Variants in POU3F3 observed in about 807,000 individuals in gnomAD.
POU3F3 encodes POU domain, class 3, transcription factor 3.
Under a neutral mutation model 8.6 loss-of-function variants are expected in POU3F3, and 1 was observed. The ratio of observed to expected loss-of-function variants is 0.12; its 90% confidence interval spans 0.04 to 0.55. The LOEUF (loss-of-function observed/expected upper bound fraction) is 0.55, where lower values mean the gene tolerates loss of function less well. Among genes scored for constraint, POU3F3 ranks in the 20% least tolerant of loss-of-function variants. The pLI is 0.91. For synonymous variants in POU3F3, 418 were observed against 327.4 expected (o/e 1.28, Z -2.99); for missense variants, 577 against 690.7 (o/e 0.84, Z 1.84).
the POU3F3 span, among the ~76,000 whole-genome samples, chr2:104,863,988 T>A: frequency 6.6e-6 from 1 of 151,982 alleles, no homozygotes; most frequent in Admixed American, 6.6e-5. Context: ...GGCGGTGGAG[T>A]TCTTGGGCAG....
chr2:104,887,814 G>T, the POU3F3 span, among the ~76,000 whole-genome samples: 1 of 152,206 alleles, frequency 6.6e-6, no homozygotes, highest in East Asian at 1.9e-4. Context: ...CATGGTCCAT[G>T]AACTTACAGC....
the POU3F3 span, among the ~76,000 whole-genome samples, chr2:104,915,465 A>T: frequency 6.6e-6 from 1 of 152,134 alleles, no homozygotes; most frequent in African/African-American, 2.4e-5. Flanking sequence ...TGCCACACAG[A>T]TATTTATTAG....
At chr2:104,915,603 G>T in the POU3F3 span, among the ~76,000 whole-genome samples, 1 of 152,112 alleles carries the variant, frequency 6.6e-6, no homozygotes, top group Non-Finnish European at 1.5e-5. Context: ...AGCCTGGCAG[G>T]CCTCCTCTAG....
the POU3F3 span, among the ~76,000 whole-genome samples, chr2:104,920,484 C>T: frequency 6.6e-6 from 1 of 152,130 alleles, no homozygotes; most frequent in Non-Finnish European, 1.5e-5. Context: ...CAGCAAGAAG[C>T]AGGAAACACC....
the POU3F3 span, chr2:104,868,126 C>T: frequency 5.3e-6 from 2 of 376,250 alleles, no homozygotes; most frequent in African/African-American, 4.3e-5. Context: ...AAAAAATCAC[C>T]CGGATGACCT....
the POU3F3 span, among the ~76,000 whole-genome samples, chr2:104,894,715 T>G: frequency 6.6e-6 from 1 of 152,206 alleles, no homozygotes; most frequent in Non-Finnish European, 1.5e-5. Context: ...GCTATTTCAG[T>G]GAAAAGCACA....
At chr2:104,864,006 C>A in the POU3F3 span, among the ~76,000 whole-genome samples, 2 of 152,222 alleles carry the variant, frequency 1.3e-5, no homozygotes, top group Non-Finnish European at 2.9e-5. Flanking sequence ...CAGCCCCCGG[C>A]GCTTGGCCCA....
chr2:104,905,526 TGTAAC>T, the POU3F3 span, among the ~76,000 whole-genome samples: 1 of 152,218 alleles, frequency 6.6e-6, no homozygotes, highest in Non-Finnish European at 1.5e-5. Flanking sequence ...CTGTGACTGT[TGTAAC>T]AAATCACCAC....
rs914680391 is a variant in POU3F3 at position 104,855,589 on chromosome 2, G to A, written c.79G>A (p.Ala27Thr). The A allele has an allele frequency of 6.1e-6, 6 of 988,998 alleles. No homozygotes were observed. In the African/African-American group the frequency reaches 7.3e-5, roughly 12 times the overall value. The allele number at this position is 988,998 out of a possible 1,614,324, so 61.3% of individuals were successfully genotyped here. Residue 27 changes from alanine (A) to threonine (T), a missense_variant, in exon 1 of 1, where the codon GCA (alanine) becomes ACA (threonine). By Grantham distance (58) the Ala-to-Thr change is moderately conservative (BLOSUM62 0). Transcript: ENST00000361360. ...CGGCTCTATTGTGCACTCGGACGCG[G>A]CAGGGGCTGGCGGCGGCGGGGGTGG... ...AAGSIVHSDA[A>T]GAGGGGGGGG... is the part of the protein sequence containing the mutation.
At chr2:104,918,622 C>A in the POU3F3 span, among the ~76,000 whole-genome samples, 1 of 152,088 alleles carries the variant, frequency 6.6e-6, no homozygotes, top group Non-Finnish European at 1.5e-5. Flanking sequence ...CCCAAGGTCA[C>A]CAGCAAACCA....
At chr2:104,859,547 C>T (rs1676631714), downstream of POU3F3, among the ~76,000 whole-genome samples, 1 of 152,162 alleles carries the variant, frequency 6.6e-6, no homozygotes, top group South Asian at 2.1e-4. Flanking sequence ...CTCCTTCTCT[C>T]ATCTTCACTC....
the POU3F3 span, chr2:104,872,467 G>T: frequency 2.5e-6 from 1 of 401,512 alleles, no homozygotes; most frequent in Non-Finnish European, 5.0e-6. This position sits in a 1 kb window ranked among gnomAD's most constrained non-coding sequence, Gnocchi z 4.6. Context: ...AAATGAACGC[G>T]ACGGCCCGTT....
At chr2:104,871,169 T>TAC in the POU3F3 span, among the ~76,000 whole-genome samples, 1 of 152,204 alleles carries the variant, frequency 6.6e-6, no homozygotes, top group African/African-American at 2.4e-5. Flanking sequence ...TCCATCCCAA[T>TAC]TCTGCATCCA....
At chr2:104,881,505 G>T in the POU3F3 span, among the ~76,000 whole-genome samples, 1 of 151,926 alleles carries the variant, frequency 6.6e-6, no homozygotes, top group African/African-American at 2.4e-5. Context: ...GACGTTCAAT[G>T]CATCCTCTCT....
Position 104,855,788 on chromosome 2 carries a change from A to G in POU3F3, c.278A>G (p.His93Arg). 1.6e-6 allele frequency: 2 copies of G among 1,287,402 alleles called. No individual in the cohort carries two copies. The highest frequency in any genetic ancestry group is 5.1e-5 in the East Asian group (1 of 19,702). The allele number at this position is 1,287,402 out of a possible 1,614,324, so 79.7% of individuals were successfully genotyped here. Residue 93 changes from histidine to arginine, a missense_variant, in exon 1 of 1, where the codon CAC becomes CGC. By Grantham distance (29) the His-to-Arg change is conservative. Transcript: ENST00000361360. Reference sequence around the variant, plus strand: ...AGCAACGGCGGCCATATGCTGAGCCACGCGCACCAGTGGGTCACAGCCCTG... The same window carrying G: ...AGCAACGGCGGCCATATGCTGAGCCGCGCGCACCAGTGGGTCACAGCCCTG... ...AASNGGHMLS[H>R]AHQWVTALPH...
chr2:104,909,638 C>G, the POU3F3 span, among the ~76,000 whole-genome samples: 1 of 152,258 alleles, frequency 6.6e-6, no homozygotes, highest in African/African-American at 2.4e-5. Context: ...CCAGGTCAGG[C>G]TGCTTCCCAG....
At position 104,857,665 on chromosome 2, in the gene POU3F3, A is replaced by G. The variant is rs1573322022; in HGVS notation, c.*652A>G. 6.5e-6 allele frequency: 1 copy of G among 153,590 alleles called. No individual in the cohort carries two copies. The highest frequency in any genetic ancestry group is 1.5e-5 in the Non-Finnish European group (1 of 68,022). The allele number at this position is 153,590 out of a possible 1,614,324, so 9.5% of individuals were successfully genotyped here. A position where few individuals can be genotyped will look rare whatever the true frequency, so the allele number is the denominator to read the frequency against. On this transcript the variant is annotated 3_prime_UTR_variant, in exon 1 of 1. Coordinates refer to ENST00000361360, the MANE Select transcript of POU3F3 (RefSeq NM_006236.3). ...GCACCAGGTTCCATCAGGGGACGAC[A>G]CCGTGCTCTGGGACCCTGTTTTTCT...
At chr2:104,865,775 G>A in the POU3F3 span, 2 of 152,146 alleles carry the variant, frequency 1.3e-5, no homozygotes, top group African/African-American at 4.8e-5. Flanking sequence ...CCCCTATCAA[G>A]GTCTCAGAAG....
At chr2:104,862,630 C>A (rs540259315), downstream of POU3F3, among the ~76,000 whole-genome samples, 14 of 152,260 alleles carry the variant, frequency 9.2e-5, no homozygotes, top group African/African-American at 3.4e-4. Flanking sequence ...CACGGCCGGG[C>A]GGCCAGACTG....
Sources: gnomAD v4.1 joint callset for allele counts (sites outside exome capture counted in the v4.1 genomes callset) on GRCh38, gnomAD v4.1.1 for gene constraint, Gnocchi (gnomAD v3.1) non-coding constraint, MANE v1.5 for transcripts, NCBI Gene and HGNC (gene_info 2026-07-23, HGNC 2026-07-21) for gene names.